CHID1: variants seen among roughly 807,000 people sequenced by gnomAD.
CHID1 encodes the protein chitinase domain-containing protein 1.
A neutral mutation model predicts 55.4 loss-of-function variants in CHID1; 44 were observed. The observed-to-expected ratio is 0.79, with a 90% CI of 0.62 to 1.02. The LOEUF is 1.02. CHID1 is among the 50% of genes least tolerant of loss of function. CHID1 has a pLI of 0.00. For synonymous variants in CHID1, 216 were observed against 212.9 expected (o/e 1.01, Z -0.13); for missense variants, 491 against 515.3 (o/e 0.95, Z 0.46).
intron 7 of CHID1, among the ~76,000 whole-genome samples, chr11:896,825 C>T (rs368379631): frequency 6.8e-6 from 1 of 146,900 alleles, no homozygotes; most frequent in African/African-American, 2.5e-5. Context: ...CTCAGGGCCC[C>T]CAGCCTCCAC....
intron 8 of CHID1, among the ~76,000 whole-genome samples, chr11:890,849 C>T (rs1436869457): frequency 6.6e-6 from 1 of 152,182 alleles, no homozygotes; most frequent in Non-Finnish European, 1.5e-5. Context: ...CTGCCTCTGT[C>T]TGCTGACGAA....
At chr11:876,157 G>A (rs577159086) in intron 10 of CHID1, among the ~76,000 whole-genome samples, 1 of 152,292 alleles carries the variant, frequency 6.6e-6, no homozygotes, top group East Asian at 1.9e-4. Context: ...CGGCACAGGT[G>A]CAAGGACAGA....
At chr11:895,426 G>A (rs1312178427) in intron 7 of CHID1, among the ~76,000 whole-genome samples, 2 of 152,180 alleles carry the variant, frequency 1.3e-5, no homozygotes, top group Admixed American at 6.5e-5. Flanking sequence ...CAGGCCCCCA[G>A]GAGACAACAT....
chr11:877,964 A>C (rs1460685778), intron 10 of CHID1, among the ~76,000 whole-genome samples: 1 of 152,218 alleles, frequency 6.6e-6, no homozygotes, highest in Non-Finnish European at 1.5e-5. Context: ...GACCATGGGC[A>C]TGGGACTGTG....
chr11:895,144 G>C (rs574273908), intron 7 of CHID1, among the ~76,000 whole-genome samples: 7 of 152,306 alleles, frequency 4.6e-5, no homozygotes, highest in Admixed American at 6.5e-5. Context: ...AGCAGAGTAA[G>C]CCCTGCCCAG....
At chr11:876,739 C>A (rs539776881) in intron 10 of CHID1, among the ~76,000 whole-genome samples, 1 of 152,218 alleles carries the variant, frequency 6.6e-6, no homozygotes, top group Non-Finnish European at 1.5e-5. Context: ...CACGTGTGAG[C>A]GAGTCTTGGC....
In CHID1 at chr11:869,554, G is replaced by C. The variant is rs554502836; in HGVS notation, c.*304C>G. ...CAGGATGTGAGAAGCAGCCCAGAAA[G>C]GCCTGAGCCAGGCTGTCCTGGTGGG... On this transcript the variant is annotated 3_prime_UTR_variant, in exon 13 of 13. Coordinates refer to ENST00000323578, the MANE Select transcript of CHID1 (RefSeq NM_023947.4). 8.0e-6 allele frequency: 4 copies of C among 499,542 alleles called. No homozygotes were observed. Among genetic ancestry groups the C allele is most frequent in the Admixed American group, 3.5e-5 (1 of 28,762 alleles). 30.9% of individuals were successfully genotyped at this position (499,542 alleles called of 1,614,324 possible).
chr11:909,852 G>A (rs180815945), intron 1 of CHID1, among the ~76,000 whole-genome samples: 66 of 152,222 alleles, frequency 4.3e-4, no homozygotes, highest in Non-Finnish European at 7.8e-4. Flanking sequence ...ACCCCATCAG[G>A]AGTTCAAGAC....
upstream of CHID1, among the ~76,000 whole-genome samples, chr11:911,994 T>G (rs531041306): frequency 6.6e-6 from 1 of 152,378 alleles, no homozygotes; most frequent in East Asian, 1.9e-4. Flanking sequence ...CTTAGCCATT[T>G]TAGGATCTCA....
intron 10 of CHID1, 75 bp downstream of exon 10, chr11:883,073 A>G: frequency 6.8e-7 from 1 of 1,464,752 alleles, no homozygotes; most frequent in Non-Finnish European, 9.3e-7. Context: ...CCTCCCCATC[A>G]CTCTGTCTCC....
intron 8 of CHID1, among the ~76,000 whole-genome samples, chr11:884,570 G>A (rs966682936): frequency 6.6e-5 from 10 of 152,194 alleles, no homozygotes; most frequent in African/African-American, 2.2e-4. Context: ...CCCGGGGTCT[G>A]CAGCAAAGCC....
chr11:899,487 A>T, intron 6 of CHID1, 86 bp from the exon 7 acceptor site: 1 of 1,284,344 alleles, frequency 7.8e-7, no homozygotes, highest in Non-Finnish European at 1.1e-6. Context: ...CTCGGCCCAC[A>T]TGGTCAGGTT....
intron 9 of CHID1, 49 bp from the exon 10 acceptor site, chr11:883,352 C>A (rs779434967): frequency 2.1e-5 from 33 of 1,566,566 alleles, no homozygotes; most frequent in Non-Finnish European, 1.1e-5. Flanking sequence ...GGGCCCCGCA[C>A]CTGAGCCATC....
chr11:910,679 G>T, intron 1 of CHID1, 96 bp downstream of exon 1: 6 of 1,266,774 alleles, frequency 4.7e-6, no homozygotes, highest in Non-Finnish European at 6.1e-6. Flanking sequence ...CCGTCCTCCC[G>T]GGGCCGAGCC....
chr11:892,694 G>A (rs955421413), intron 8 of CHID1, among the ~76,000 whole-genome samples: 5 of 152,250 alleles, frequency 3.3e-5, no homozygotes, highest in African/African-American at 7.2e-5. Flanking sequence ...TGCTGTGTCT[G>A]TCCCAGCACT....
upstream of CHID1, among the ~76,000 whole-genome samples, chr11:912,736 T>A (rs1589924040): frequency 1.3e-5 from 2 of 150,808 alleles, no homozygotes; most frequent in South Asian, 4.2e-4. Flanking sequence ...CCCAGCTACT[T>A]GGGAGGCTGA....
At chr11:870,037 C>T (rs2134095584) in intron 12 of CHID1, 81 bp from the exon 13 acceptor site, 1 of 1,607,468 alleles carries the variant, frequency 6.2e-7, no homozygotes, top group Non-Finnish European at 8.5e-7. Context: ...CGAGGGGCAG[C>T]ACCGCCTGGA....
At chr11:890,914 G>A (rs1024085059) in intron 8 of CHID1, among the ~76,000 whole-genome samples, 4 of 152,132 alleles carry the variant, frequency 2.6e-5, no homozygotes, top group Non-Finnish European at 4.4e-5. Flanking sequence ...GCAGCACGCA[G>A]ACCTCTCTCC....
intron 10 of CHID1, chr11:870,756 C>T: frequency 4.4e-6 from 2 of 458,362 alleles, no homozygotes; most frequent in African/African-American, 2.0e-5. Flanking sequence ...TTTCAGTGGC[C>T]TGGAGAGTGA....
Sources: allele counts gnomAD v4.1 joint callset (sites outside exome capture counted in the v4.1 genomes callset), GRCh38; gene constraint gnomAD v4.1.1; transcripts MANE v1.5; gene names NCBI Gene and HGNC (gene_info 2026-07-23, HGNC 2026-07-21).